The following NRG1 variants were observed in gnomAD, a reference collection of about 807,000 sequenced individuals.
NRG1 encodes the protein neuregulin 1, also known as pro-neuregulin-1, membrane-bound isoform.
In NRG1, 18 loss-of-function variants were observed where a neutral mutation model predicts 63.8. That is an observed-to-expected ratio of 0.28 (90% CI 0.19 to 0.42). The LOEUF (loss-of-function observed/expected upper bound fraction) is 0.42. Among genes scored for constraint, NRG1 ranks in the 10% least tolerant of loss-of-function variants. The probability of loss-of-function intolerance (pLI) is 1.00; values close to 1 mark genes in which losing one functional copy is unlikely to be tolerated. For missense variants in NRG1, 762 were observed against 814.7 expected (o/e 0.94, Z 0.79); for synonymous variants, 302 against 301.3 (o/e 1.00, Z -0.02).
chr8:32,057,941 C>A (rs1238990417), intron 1 of NRG1, among the ~76,000 whole-genome samples: 1 of 152,050 alleles, frequency 6.6e-6, no homozygotes, highest in Non-Finnish European at 1.5e-5. Context: ...AGTAGGGTGA[C>A]TGTCGTTTAC....
intron 1 of NRG1, among the ~76,000 whole-genome samples, chr8:31,934,290 A>G (rs1456169297): frequency 6.6e-6 from 1 of 151,706 alleles, no homozygotes; most frequent in African/African-American, 2.4e-5. Flanking sequence ...ATATTCATAG[A>G]TGTGATATAT....
chr8:32,251,177 A>G (rs944099205), intron 1 of NRG1, among the ~76,000 whole-genome samples: 3 of 151,962 alleles, frequency 2.0e-5, no homozygotes, highest in African/African-American at 7.3e-5. Context: ...CATCTACATT[A>G]GGTATTTCTC....
chr8:32,542,527 T>C (rs2129521219), intron 1 of NRG1, among the ~76,000 whole-genome samples: 1 of 152,326 alleles, frequency 6.6e-6, no homozygotes, highest in East Asian at 1.9e-4. Flanking sequence ...CAACTGAATT[T>C]CCCTTGAAGC....
intron 5 of NRG1, among the ~76,000 whole-genome samples, chr8:32,618,440 T>C (rs948531412): frequency 6.6e-6 from 1 of 152,190 alleles, no homozygotes; most frequent in Non-Finnish European, 1.5e-5. Flanking sequence ...GGAACTGAAA[T>C]AAATCTCTCA....
chr8:31,640,646 C>A lies in NRG1; in HGVS notation c.37+1215C>A. On this transcript the variant is annotated intron_variant, in intron 1 of 10. Coordinates refer to the NRG1 transcript ENST00000519301. This position sits in a 1 kb window ranked among gnomAD's most constrained non-coding sequence, Gnocchi z 6.3. Reference sequence around the variant, plus strand: ...GCCAACAGCACCAGCCGCGCGCCGGCCGCCTTCCGAGCCTCTTTCCCCCCT... The same window carrying A: ...GCCAACAGCACCAGCCGCGCGCCGGACGCCTTCCGAGCCTCTTTCCCCCCT... 4 of 1,608,718 alleles carry A rather than the reference C, an allele frequency of 2.5e-6. No homozygotes were observed. The highest frequency in any genetic ancestry group is 3.4e-6 in the Non-Finnish European group (4 of 1,178,538).
chr8:31,925,825 A>G (rs1834316927), intron 1 of NRG1, among the ~76,000 whole-genome samples: 4 of 152,076 alleles, frequency 2.6e-5, no homozygotes, highest in Admixed American at 2.6e-4. Context: ...ATTTTATTTC[A>G]CTGGTAAAAT....
chr8:32,313,736 TATTTTTAAAAC>T (rs908027560), intron 1 of NRG1, among the ~76,000 whole-genome samples: 2 of 152,188 alleles, frequency 1.3e-5, no homozygotes, highest in African/African-American at 4.8e-5. Context: ...ACTGGTAAAT[TATTTTTAAAAC>T]ATCATAAGGC....
intron 1 of NRG1, among the ~76,000 whole-genome samples, chr8:31,974,739 C>T (rs767147774): frequency 3.3e-5 from 5 of 152,154 alleles, no homozygotes; most frequent in Admixed American, 6.5e-5. Flanking sequence ...CCTTCACTGA[C>T]AAAATAGCGA....
At chr8:31,999,322 CCCA>C (rs1414022483) in intron 1 of NRG1, among the ~76,000 whole-genome samples, 1 of 151,854 alleles carries the variant, frequency 6.6e-6, no homozygotes, top group Admixed American at 6.6e-5. Flanking sequence ...TCATTGTGTG[CCCA>C]CATCATACTT....
chr8:32,519,533 C>T (rs1273713491), intron 1 of NRG1, among the ~76,000 whole-genome samples: 1 of 151,736 alleles, frequency 6.6e-6, no homozygotes, highest in Admixed American at 6.6e-5. Flanking sequence ...AGATTTGAAA[C>T]ATTTTCAGAG....
intron 1 of NRG1, among the ~76,000 whole-genome samples, chr8:32,266,245 A>T (rs552265223): frequency 6.6e-6 from 1 of 152,310 alleles, no homozygotes; most frequent in East Asian, 1.9e-4. Context: ...TTCTTATGAA[A>T]CATGAAGCTA....
At chr8:32,380,304 C>A (rs1810186682) in intron 1 of NRG1, among the ~76,000 whole-genome samples, 3 of 152,096 alleles carry the variant, frequency 2.0e-5, no homozygotes, top group Admixed American at 2.0e-4. Flanking sequence ...GTAGATTCTT[C>A]TTCTGGAATA....
chr8:31,757,492 G>A (rs1326574801), intron 1 of NRG1, among the ~76,000 whole-genome samples: 1 of 152,026 alleles, frequency 6.6e-6, no homozygotes, highest in African/African-American at 2.4e-5. Flanking sequence ...TTTGTGCTGG[G>A]GATGATTTTA....
intron 1 of NRG1, among the ~76,000 whole-genome samples, chr8:32,339,664 A>G (rs560853748): frequency 6.6e-6 from 1 of 152,184 alleles, no homozygotes; most frequent in Non-Finnish European, 1.5e-5. Flanking sequence ...CAACCAATTT[A>G]TGAAATGGGC....
intron 1 of NRG1, among the ~76,000 whole-genome samples, chr8:32,561,098 A>G (rs1207109393): frequency 1.3e-5 from 2 of 152,218 alleles, no homozygotes; most frequent in Non-Finnish European, 2.9e-5. Context: ...CACAAGGTAC[A>G]AACAACAAGG....
intron 1 of NRG1, among the ~76,000 whole-genome samples, chr8:31,979,447 T>C (rs1808723828): frequency 1.3e-5 from 2 of 152,110 alleles, no homozygotes; most frequent in South Asian, 4.1e-4. Context: ...GTCTGCCTCG[T>C]CAAATTCTTC....
intron 1 of NRG1, among the ~76,000 whole-genome samples, chr8:32,014,647 A>AT (rs1010822825): frequency 2.0e-5 from 3 of 151,654 alleles, no homozygotes; most frequent in South Asian, 2.1e-4. Flanking sequence ...CAAGGACTTG[A>AT]TTTTTTTCCA....
chr8:31,759,046 A>G (rs925059754), intron 1 of NRG1, among the ~76,000 whole-genome samples: 2 of 152,084 alleles, frequency 1.3e-5, no homozygotes, highest in South Asian at 2.1e-4. Flanking sequence ...GGCTACTTAC[A>G]CATCTTCCTT....
chr8:31,674,558 CT>C (rs33917304), intron 1 of NRG1, among the ~76,000 whole-genome samples: 136,162 of 147,252 alleles, frequency 0.92, 63,706 homozygotes, highest in Non-Finnish European at 1. Flanking sequence ...CATCTGGGTA[CT>C]TTTTTTTTTT....
Sources: allele counts gnomAD v4.1 joint callset (sites outside exome capture counted in the v4.1 genomes callset), GRCh38; gene constraint gnomAD v4.1.1; non-coding constraint Gnocchi (gnomAD v3.1); transcripts MANE v1.5; gene names NCBI Gene and HGNC (gene_info 2026-07-23, HGNC 2026-07-21).